BRF1: variants seen among roughly 807,000 people sequenced by gnomAD.
The protein encoded by BRF1 is transcription factor IIIB 90 kDa subunit.
A neutral mutation model predicts 81.7 loss-of-function variants in BRF1; 59 were observed. The ratio of observed to expected loss-of-function variants is 0.72; its 90% CI spans 0.59 to 0.90. The LOEUF (loss-of-function observed/expected upper bound fraction) is 0.90, where lower values mean the gene tolerates loss of function less well. BRF1 is among the 40% of genes least tolerant of loss of function. The pLI, the probability that BRF1 is intolerant of heterozygous loss-of-function variation, is 0.00. For synonymous variants in BRF1, 491 were observed against 395.6 expected (o/e 1.24, Z -2.86); for missense variants, 1,050 against 936.3 (o/e 1.12, Z -1.58).
chr14:105,263,336 C>G (rs914572112), intron 3 of BRF1, among the ~76,000 whole-genome samples: 2 of 151,786 alleles, frequency 1.3e-5, no homozygotes, highest in Non-Finnish European at 2.9e-5. Flanking sequence ...CAGCCAGACA[C>G]GAGGGGCCAA....
chr14:105,210,175 A>T lies in BRF1; in HGVS notation c.*376T>A, dbSNP rs1377773511. 6.5e-6 allele frequency: 2 copies of T among 308,496 alleles called. No individual in the cohort carries two copies. The highest frequency in any genetic ancestry group is 1.2e-5 in the Non-Finnish European group (2 of 162,506). The allele number at this position is 308,496 out of a possible 1,614,324, so 19.1% of individuals were successfully genotyped here. On this transcript the variant is annotated 3_prime_UTR_variant, in exon 18 of 18. Coordinates refer to ENST00000547530, the MANE Select transcript of BRF1 (RefSeq NM_001519.4). This position sits in a 1 kb window ranked among gnomAD's most constrained non-coding sequence, Gnocchi z 4.7. ...AGAGCTGGTCCTGAGTCACAGGGCCAGCACACTCAGCCCTCCACACACTTG... is the reference window on the plus strand; with the variant it reads ...AGAGCTGGTCCTGAGTCACAGGGCCTGCACACTCAGCCCTCCACACACTTG...
upstream of BRF1, among the ~76,000 whole-genome samples, chr14:105,301,819 T>G (rs962771365): frequency 6.6e-6 from 1 of 152,152 alleles, no homozygotes; most frequent in African/African-American, 2.4e-5. Context: ...ATAGGGCCGG[T>G]GACATACCCA....
intron 1 of BRF1, among the ~76,000 whole-genome samples, chr14:105,294,144 G>T (rs1208637864): frequency 6.6e-6 from 1 of 152,164 alleles, no homozygotes; most frequent in East Asian, 1.9e-4. Context: ...CAGAGCAACA[G>T]ATCCCCTCTC....
intron 7 of BRF1, 50 bp downstream of exon 7, chr14:105,228,770 A>C (rs923020194): frequency 8.7e-6 from 14 of 1,601,028 alleles, no homozygotes; most frequent in Non-Finnish European, 1.2e-5. Context: ...CCTGAGCTGG[A>C]CTGATGAAGC....
intron 1 of BRF1, among the ~76,000 whole-genome samples, chr14:105,313,656 C>G (rs754349056): frequency 1.4e-4 from 21 of 152,372 alleles, no homozygotes; most frequent in Non-Finnish European, 2.5e-4. Flanking sequence ...AGGAAAGAAA[C>G]CAGCTCCAGG....
chr14:105,284,249 G>T lies in BRF1; in HGVS notation c.265+2047C>A, dbSNP rs587702777. 1.5e-4 allele frequency among the ~76,000 whole-genome samples: 23 copies of T among 152,256 alleles called. No homozygotes were observed. In the South Asian group the frequency reaches 4.6e-3, roughly 30 times the overall value. The stretch of plus-strand genomic sequence containing the variant: ...ACAGAGGGTGCTCTCTACTGCAGAA[G>T]AATCACACCGGCAGTCAGGAAGAAA... On this transcript the variant is annotated intron_variant, in intron 2 of 17. Transcript: ENST00000547530. The surrounding 1 kb of genome is among the most constrained non-coding windows in gnomAD (Gnocchi z 4.0).
At chr14:105,250,526 G>A (rs747308975) in intron 5 of BRF1, 18 of 1,613,956 alleles carry the variant, frequency 1.1e-5, no homozygotes, top group Non-Finnish European at 1.4e-5. Context: ...CGTCCTGGAC[G>A]GCAGCGAACT....
chr14:105,247,149 A>G, intron 5 of BRF1: 2 of 985,480 alleles, frequency 2.0e-6, no homozygotes, highest in Non-Finnish European at 2.4e-6. Flanking sequence ...GGGGTCCCAC[A>G]CTATGAAATC....
At chr14:105,241,437 G>T in intron 5 of BRF1, 23 bp from the exon 6 acceptor site, 1 of 1,608,526 alleles carries the variant, frequency 6.2e-7, no homozygotes, top group South Asian at 1.1e-5. Context: ...CAGCACCTCA[G>T]TGCCCACCTC....
chr14:105,270,443 G>A (rs981951023), intron 3 of BRF1, among the ~76,000 whole-genome samples: 5 of 151,760 alleles, frequency 3.3e-5, no homozygotes, highest in Admixed American at 3.3e-4. Flanking sequence ...CCAAAGTGCT[G>A]GGATTACAGG....
intron 3 of BRF1, among the ~76,000 whole-genome samples, chr14:105,267,572 A>G (rs2816624): frequency 0.24 from 36,407 of 151,968 alleles, 4,667 homozygotes; most frequent in South Asian, 0.28. Flanking sequence ...TGGGCCTCCC[A>G]AAGTGATGGG....
chr14:105,247,955 C>T (rs1052860365), intron 5 of BRF1: 1 of 985,368 alleles, frequency 1.0e-6, no homozygotes, highest in African/African-American at 1.7e-5. Context: ...CGACTGCGAT[C>T]CACAGGCAGA....
At chr14:105,292,760 C>A (rs587670489) in intron 1 of BRF1, among the ~76,000 whole-genome samples, 7 of 152,178 alleles carry the variant, frequency 4.6e-5, no homozygotes, top group Non-Finnish European at 8.8e-5. Flanking sequence ...GCAGCCCACA[C>A]CCCTTCCCAG....
rs587630818 is a variant in BRF1 at position 105,243,463 on chromosome 14, A to T, written c.545-2049T>A. On this transcript the variant is annotated intron_variant, in intron 5 of 17. Transcript: ENST00000547530. ...GCAAGACTCTGTCTCTTAAAAAAAA[A>T]AAAATAAAAATAAAAAATTAGTGGG... Among the ~76,000 whole-genome samples, 66 of 135,308 alleles carry T rather than the reference A, an allele frequency of 4.9e-4. 1 individual carries two copies. Among genetic ancestry groups the T allele is most frequent in the Admixed American group, 1.0e-3 (14 of 13,796 alleles). 88.8% of individuals were successfully genotyped at this position (135,308 alleles called of 152,430 possible).
chr14:105,217,252 C>G (rs948228534), intron 15 of BRF1: 27 of 529,648 alleles, frequency 5.1e-5, no homozygotes, highest in Non-Finnish European at 8.1e-5. Context: ...GAGAAGGCAC[C>G]GACCCCACGG....
chr14:105,274,553 C>T (rs974200138), intron 2 of BRF1, among the ~76,000 whole-genome samples: 24 of 152,298 alleles, frequency 1.6e-4, no homozygotes, highest in African/African-American at 1.9e-4. Flanking sequence ...GTGGCCAGGA[C>T]GGCAACATCC....
At chr14:105,225,975 T>C (rs1893022073) in intron 10 of BRF1, 94 bp downstream of exon 10, 1 of 1,266,424 alleles carries the variant, frequency 7.9e-7, no homozygotes, top group African/African-American at 1.5e-5. Context: ...ATAATCCCCT[T>C]CCCTTTCCAG....
rs374972527 is a variant in BRF1, at chr14:105,210,474, G to A, written c.*77C>T. ...CTCGGCGCTGGGGCCTGCCTGCTGC[G>A]GTCCTGGAAGCCCGTCTGATGCTGA... is the stretch of plus-strand genomic sequence containing the variant. On this transcript the variant is annotated 3_prime_UTR_variant, in exon 18 of 18. Transcript: ENST00000547530. This position sits in a 1 kb window ranked among gnomAD's most constrained non-coding sequence, Gnocchi z 4.7. 66 of 1,550,880 alleles carry A rather than the reference G, an allele frequency of 4.3e-5. No individual in the cohort carries two copies. Among genetic ancestry groups the A allele is most frequent in the Non-Finnish European group, 4.7e-5 (54 of 1,140,590 alleles).
chr14:105,260,122 A>T (rs1172660295), intron 3 of BRF1, among the ~76,000 whole-genome samples: 1 of 152,112 alleles, frequency 6.6e-6, no homozygotes, highest in African/African-American at 2.4e-5. Flanking sequence ...CTCCAGATGG[A>T]GCAATTAGGG....
Sources: allele counts gnomAD v4.1 joint callset (sites outside exome capture counted in the v4.1 genomes callset), GRCh38; gene constraint gnomAD v4.1.1; non-coding constraint Gnocchi (gnomAD v3.1); transcripts MANE v1.5; gene names NCBI Gene and HGNC (gene_info 2026-07-23, HGNC 2026-07-21).